ABCA2: variants seen among roughly 807,000 people sequenced by gnomAD.
The protein encoded by ABCA2 is ATP binding cassette subfamily A member 2.
Under a neutral mutation model 262.8 loss-of-function variants are expected in ABCA2, and 84 were observed. That is an observed-to-expected ratio of 0.32 (90% CI 0.27 to 0.38). The LOEUF (loss-of-function observed/expected upper bound fraction) is 0.38, where lower values mean the gene tolerates loss of function less well. ABCA2 is among the 10% of genes least tolerant of loss of function. ABCA2 has a pLI of 1.00. For synonymous variants in ABCA2, 1,696 were observed against 1,502.9 expected (o/e 1.13, Z -2.97); for missense variants, 2,662 against 3,405.9 (o/e 0.78, Z 5.44).
At chr9:137,022,110 TG>T in intron 6 of ABCA2, 109 bp from the exon 7 acceptor site, 2 of 270,016 alleles carry the variant, frequency 7.4e-6, no homozygotes, top group East Asian at 1.2e-4. Flanking sequence ...GGTGGGGGCG[TG>T]GCTCAGAGAG....
chr9:137,018,581 T>G (rs974620593), intron 13 of ABCA2, 138 bp downstream of exon 13: 63 of 246,660 alleles, frequency 2.6e-4, no homozygotes, highest in African/African-American at 6.3e-4. Flanking sequence ...GGGGCAGGGG[T>G]GGGGAGGGGA....
intron 48 of ABCA2, 165 bp downstream of exon 48, chr9:137,008,251 T>G (rs1830901771): frequency 1.1e-6 from 1 of 885,036 alleles, no homozygotes; most frequent in African/African-American, 1.7e-5. Flanking sequence ...GTTACGTCTC[T>G]CCAGGCCTAT....
In ABCA2 at chr9:137,015,532, G is replaced by A; in HGVS notation, c.3579C>T (p.Ala1193=). ...ACTTGAGCTTCCCATGGGAGATGAT[G>A]GCAATGCGGTCCCCAAGCAGGTCAG... ...DEADLLGDRI[A]IISHGKLKCC... The change falls in exon 24 of 49, where the codon GCC becomes GCT. Residue 1193 remains alanine (A), a synonymous_variant. Coordinates refer to ENST00000341511, the MANE Select transcript of ABCA2 (RefSeq NM_001606.5). 1 of 1,612,502 alleles carries A rather than the reference G, an allele frequency of 6.2e-7. No homozygotes were observed. Among genetic ancestry groups the A allele is most frequent in the South Asian group, 1.1e-5 (1 of 91,076 alleles).
intron 10 of ABCA2, 174 bp downstream of exon 10, chr9:137,020,162 A>AGGCC (rs57173284): frequency 6.1e-6 from 5 of 825,996 alleles, no homozygotes; most frequent in Admixed American, 5.3e-5. Context: ...GGAGCTCCCG[A>AGGCC]AAGGAAAAGC....
At chr9:137,023,775 C>T (rs752606985) in intron 3 of ABCA2, 63 bp downstream of exon 3, 18 of 726,960 alleles carry the variant, frequency 2.5e-5, no homozygotes, top group Non-Finnish European at 3.6e-5. Flanking sequence ...CAAGCCAGGA[C>T]GGCCCATGGG....
At chr9:137,008,900 G>GCCCCCCCCCCCCCCTGCCCCCCCC in intron 46 of ABCA2, 32 bp from the exon 47 acceptor site, 1 of 1,535,814 alleles carries the variant, frequency 6.5e-7, no homozygotes, top group Non-Finnish European at 8.8e-7. Context: ...GCCTGGCAGC[G>GCCCCCCCCCCCCCCTGCCCCCCCC]CCCCCCCACC....
intron 22 of ABCA2, 42 bp from the exon 23 acceptor site, chr9:137,015,913 G>A (rs747084348): frequency 1.9e-6 from 3 of 1,606,588 alleles, no homozygotes; most frequent in Non-Finnish European, 2.6e-6. Flanking sequence ...GCTATGCAGA[G>A]CCCCAGGGCC....
intron 10 of ABCA2, chr9:137,020,117 A>G (rs2131459975): frequency 1.6e-6 from 1 of 615,262 alleles, no homozygotes; most frequent in Non-Finnish European, 2.8e-6. Context: ...ACCCTGCCAG[A>G]GCAGACTCTC....
At chr9:137,023,888 CA>C in intron 2 of ABCA2, 48 bp from the exon 3 acceptor site, 1 of 1,004,482 alleles carries the variant, frequency 1.0e-6, no homozygotes, top group Non-Finnish European at 1.6e-6. Context: ...GGAGGGGGAT[CA>C]AAACAGAACA....
intron 1 of ABCA2, among the ~76,000 whole-genome samples, chr9:137,025,478 C>A (rs987270785): frequency 1.3e-5 from 2 of 152,232 alleles, no homozygotes; most frequent in Admixed American, 6.5e-5. Context: ...TGGCCCGGGC[C>A]GAGTCCCCGG....
intron 10 of ABCA2, chr9:137,020,109 C>G (rs565509543): frequency 1.7e-6 from 1 of 599,442 alleles, no homozygotes; most frequent in South Asian, 2.0e-5. Flanking sequence ...GCCGGAGGAC[C>G]CTGCCAGAGC....
Position 137,009,474 on chromosome 9 carries a change from G to T in ABCA2, c.6735-12C>A. The T allele has an allele frequency of 6.2e-7, 1 of 1,611,228 alleles. No individual in the cohort carries two copies. ...CGCACTCCTCCATGCTGTGGGACATGCACAGGCTGGCACCGGAAGGGGTGC... is the reference window on the plus strand; with the variant it reads ...CGCACTCCTCCATGCTGTGGGACATTCACAGGCTGGCACCGGAAGGGGTGC... On this transcript the variant is annotated splice_polypyrimidine_tract_variant and intron_variant, in intron 44 of 48. Coordinates refer to ENST00000341511, the MANE Select transcript of ABCA2 (RefSeq NM_001606.5).
chr9:137,025,452 C>A (rs1354775367), intron 1 of ABCA2, among the ~76,000 whole-genome samples: 1 of 152,252 alleles, frequency 6.6e-6, no homozygotes, highest in East Asian at 1.9e-4. Context: ...CCCTTCAGAG[C>A]CCCCAGTGTG....
Position 137,014,177 on chromosome 9 carries a change from T to A in ABCA2, c.4231A>T (p.Ser1411Cys). 6.2e-7 allele frequency: 1 copy of A among 1,607,674 alleles called. No homozygotes were observed. Among genetic ancestry groups the A allele is most frequent in the Non-Finnish European group, 8.5e-7 (1 of 1,177,344 alleles). The change falls in exon 27 of 49, where the codon AGC (serine) becomes TGC (cysteine). Residue 1411 changes from serine to cysteine, a missense_variant. Ser to Cys is a moderately radical substitution (Grantham distance 112, BLOSUM62 -1). This residue lies in a region of ABCA2 where 297 missense variants were observed against 286.5 expected (regional missense o/e 1.04). Coordinates refer to ENST00000341511, the MANE Select transcript of ABCA2 (RefSeq NM_001606.5). ...FDNPQDPDNV[S>C]LQEVEAEALS... ...ACCCTGCCACCCCCACCTTGCAGGC[T>A]GACATTGTCTGGGTCCTGTGGGTTA... is the stretch of plus-strand genomic sequence containing the variant.
chr9:137,008,544 G>A lies in ABCA2; in HGVS notation c.7147C>T (p.Pro2383Ser), dbSNP rs2131423754. The A allele has an allele frequency of 1.2e-6, 2 of 1,604,928 alleles. No homozygotes were observed. The highest frequency in any genetic ancestry group is 2.2e-5 in the East Asian group (1 of 44,554). Residue 2383 changes from proline (P) to serine (S), a missense_variant, in exon 48 of 49, where the codon CCT becomes TCT. By Grantham distance (74) the Pro-to-Ser change is moderately conservative. Coordinates refer to ENST00000341511, the MANE Select transcript of ABCA2 (RefSeq NM_001606.5). Reference sequence around the variant, plus strand: ...AGCAGGCTGAGCAAGCAGCCGAGAGGGGACTGCAGTGCGGATGGCGGCTCC... The same window carrying A: ...AGCAGGCTGAGCAAGCAGCCGAGAGAGGACTGCAGTGCGGATGGCGGCTCC... ...ETEPPSALQSPLGCLLSLLRP... is the reference protein window; with the variant it reads ...ETEPPSALQSSLGCLLSLLRP...
upstream of ABCA2, chr9:137,028,702 C>T: frequency 8.1e-7 from 1 of 1,237,474 alleles, no homozygotes; most frequent in Non-Finnish European, 1.0e-6. The surrounding 1 kb of genome is among the most constrained non-coding windows in gnomAD (Gnocchi z 6.9). Flanking sequence ...CACTTGGAGT[C>T]CAGGTGGTGC....
chr9:137,023,531 A>G (rs1182937445), intron 3 of ABCA2: 2 of 738,122 alleles, frequency 2.7e-6, no homozygotes, highest in Non-Finnish European at 5.0e-6. Flanking sequence ...AGGCCAGCCC[A>G]GCCTCAGCCC....
chr9:137,017,469 C>T, intron 17 of ABCA2, 33 bp downstream of exon 17: 1 of 1,598,214 alleles, frequency 6.3e-7, no homozygotes, highest in Non-Finnish European at 8.5e-7. Flanking sequence ...CAAGTGCCTG[C>T]CCCAGGTCCC....
At chr9:137,008,917 C>A in intron 46 of ABCA2, 34 bp downstream of exon 46, 1 of 1,185,366 alleles carries the variant, frequency 8.4e-7, no homozygotes, top group Non-Finnish European at 1.2e-6. Context: ...CACCCCGTAG[C>A]GCCCCCTCCA....
Sources: gnomAD v4.1 joint callset for allele counts (sites outside exome capture counted in the v4.1 genomes callset) on GRCh38, gnomAD v4.1.1 for gene constraint, gnomAD v4.1.1 regional missense constraint, Gnocchi (gnomAD v3.1) non-coding constraint, MANE v1.5 for transcripts, NCBI Gene and HGNC (gene_info 2026-07-23, HGNC 2026-07-21) for gene names.